AGMO: variants seen among roughly 807,000 people sequenced by gnomAD.
AGMO encodes alkylglycerol monooxygenase.
Under a neutral mutation model 60.2 loss-of-function variants are expected in AGMO, and 75 were observed. The ratio of observed to expected loss-of-function variants is 1.25; its 90% CI spans 1.03 to 1.51. The LOEUF is 1.51. Among genes scored for constraint, AGMO ranks in the 40% most tolerant of loss-of-function variants. The pLI is 0.00. For missense variants in AGMO, 763 were observed against 525.5 expected (o/e 1.45, Z -4.42); for synonymous variants, 261 against 177.1 (o/e 1.47, Z -3.76).
intron 3 of AGMO, among the ~76,000 whole-genome samples, chr7:15,447,029 G>A (rs1456210088): frequency 2.0e-5 from 3 of 152,154 alleles, no homozygotes; most frequent in African/African-American, 7.2e-5. Context: ...GGACACTGAG[G>A]CACCAAACGA....
intron 12 of AGMO, among the ~76,000 whole-genome samples, chr7:15,328,144 C>T (rs1781402435): frequency 6.6e-6 from 1 of 151,824 alleles, no homozygotes; most frequent in Non-Finnish European, 1.5e-5. Flanking sequence ...GTCGCCCAAG[C>T]TGGAGTACAA....
chr7:15,243,282 T>A (rs1408137755), intron 12 of AGMO, among the ~76,000 whole-genome samples: 1 of 152,136 alleles, frequency 6.6e-6, no homozygotes, highest in Admixed American at 6.5e-5. Flanking sequence ...TCTTTGTTCT[T>A]CTAAGCAGCT....
intron 12 of AGMO, among the ~76,000 whole-genome samples, chr7:15,356,635 A>C (rs1782539539): frequency 6.6e-6 from 1 of 152,132 alleles, no homozygotes. Flanking sequence ...CAGATAATAC[A>C]GTGTTATTAA....
At chr7:15,376,323 T>C (rs1297893037) in intron 10 of AGMO, among the ~76,000 whole-genome samples, 6 of 152,036 alleles carry the variant, frequency 3.9e-5, no homozygotes, top group African/African-American at 1.5e-4. Flanking sequence ...CTAAGCTAGA[T>C]CTAATTTGTG....
At chr7:15,219,389 A>C (rs1359634589) in intron 12 of AGMO, among the ~76,000 whole-genome samples, 2 of 152,194 alleles carry the variant, frequency 1.3e-5, no homozygotes, top group Non-Finnish European at 2.9e-5. Flanking sequence ...ATTAACTAAT[A>C]TTTAAAGTGA....
intron 3 of AGMO, among the ~76,000 whole-genome samples, chr7:15,514,825 T>C (rs2196391): frequency 3.9e-4 from 60 of 152,318 alleles, no homozygotes; most frequent in African/African-American, 5.5e-4. Flanking sequence ...TCTCCAGAAA[T>C]GGGTTCATCA....
rs115772476 is a variant in AGMO at position 15,371,296 on chromosome 7, C to G, written c.1075-5074G>C. 5.3e-3 allele frequency among the ~76,000 whole-genome samples: 813 copies of G among 152,078 alleles called. 11 individuals carry two copies. The highest frequency in any genetic ancestry group is 0.018 in the African/African-American group (762 of 41,502). ...AGTGTAATGGCACCATCTAAGCTCA[C>G]GACAACCTCCCTTTCCAGCCTTAAG... On this transcript the variant is annotated intron_variant, in intron 10 of 12. Coordinates refer to ENST00000342526, the MANE Select transcript of AGMO (RefSeq NM_001004320.2).
chr7:15,131,731 C>A, the AGMO span, among the ~76,000 whole-genome samples: 1 of 150,230 alleles, frequency 6.7e-6, no homozygotes, highest in East Asian at 2.0e-4. Context: ...TGTTATCACA[C>A]TTAGGCTTAA....
rs1213611289 is a variant in AGMO at position 15,391,429 on chromosome 7, A to T, written c.677-524T>A. ...ACTACCCTTAACTTTTTCAAAACTCATATCATATGTATTTTTCCTGCCGCT... is the reference window on the plus strand; with the variant it reads ...ACTACCCTTAACTTTTTCAAAACTCTTATCATATGTATTTTTCCTGCCGCT... On this transcript the variant is annotated intron_variant, in intron 6 of 12. Coordinates refer to ENST00000342526, the MANE Select transcript of AGMO (RefSeq NM_001004320.2). 5.9e-5 allele frequency among the ~76,000 whole-genome samples: 9 copies of T among 152,256 alleles called. No individual in the cohort carries two copies. In the East Asian group the frequency reaches 1.4e-3, roughly 23 times the overall value.
At chr7:15,361,617 A>G (rs976826791) in intron 12 of AGMO, among the ~76,000 whole-genome samples, 1 of 151,528 alleles carries the variant, frequency 6.6e-6, no homozygotes, top group Non-Finnish European at 1.5e-5. Context: ...TCACCAAATT[A>G]AAAAAAAGAA....
chr7:15,334,097 A>G lies in AGMO; in HGVS notation c.1263+31417T>C, dbSNP rs542357275. Among the ~76,000 whole-genome samples, 3 of 152,208 alleles carry G rather than the reference A, an allele frequency of 2.0e-5. No individual in the cohort carries two copies. In the East Asian group the frequency reaches 5.8e-4, roughly 29 times the overall value. On this transcript the variant is annotated intron_variant, in intron 12 of 12. Coordinates refer to ENST00000342526, the MANE Select transcript of AGMO (RefSeq NM_001004320.2). ...AAAAAGTAGTTTTACAAGTGCCTAT[A>G]TTTTCTTATTACCTTTGATATGTAA... is the stretch of plus-strand genomic sequence containing the variant.
chr7:15,244,587 ACTT>A (rs1386302601), intron 12 of AGMO, among the ~76,000 whole-genome samples: 1 of 152,128 alleles, frequency 6.6e-6, no homozygotes, highest in African/African-American at 2.4e-5. Context: ...TGAGACCAGT[ACTT>A]CTTTTCTGAC....
Position 15,529,655 on chromosome 7 carries a change from T to TATATATA in AGMO, c.409+15116_409+15117insTATATAT, listed in dbSNP as rs1583651107. Among the ~76,000 whole-genome samples, 24 of 7,204 alleles carry TATATATA rather than the reference T, an allele frequency of 3.3e-3. 4 individuals carry two copies. The East Asian group carries it at 0.46, about 138-fold the overall frequency. 4.7% of individuals were successfully genotyped at this position (7,204 alleles called of 152,430 possible). A position where few individuals can be genotyped will look rare whatever the true frequency, so the allele number is the denominator to read the frequency against. ...TAGAATATATATATATACTATATATTCTATATATATTCTATATATATTCTA... is the reference window on the plus strand; with the variant it reads ...TAGAATATATATATATACTATATATTATATATACTATATATATTCTATATATATTCTA... On this transcript the variant is annotated intron_variant, in intron 3 of 12. Coordinates refer to ENST00000342526, the MANE Select transcript of AGMO (RefSeq NM_001004320.2).
At chr7:15,202,807 T>G (rs1208475905) in intron 12 of AGMO, among the ~76,000 whole-genome samples, 2 of 152,150 alleles carry the variant, frequency 1.3e-5, no homozygotes, top group African/African-American at 4.8e-5. Context: ...CTCATGGCAC[T>G]TCTTCTGATG....
chr7:15,325,169 G>T (rs528164495), intron 12 of AGMO, among the ~76,000 whole-genome samples: 1 of 152,050 alleles, frequency 6.6e-6, no homozygotes, highest in East Asian at 1.9e-4. Context: ...ATATATACTG[G>T]ATAGATAGAT....
At chr7:15,295,232 A>G (rs933839653) in intron 12 of AGMO, among the ~76,000 whole-genome samples, 1 of 152,036 alleles carries the variant, frequency 6.6e-6, no homozygotes, top group Admixed American at 6.6e-5. Flanking sequence ...TATTAAGAAA[A>G]TATATACTCC....
At chr7:15,366,571 T>C (rs1183758135) in intron 10 of AGMO, among the ~76,000 whole-genome samples, 1 of 152,116 alleles carries the variant, frequency 6.6e-6, no homozygotes, top group Admixed American at 6.6e-5. Flanking sequence ...TACTGTATTC[T>C]AATTAGCCAT....
intron 12 of AGMO, among the ~76,000 whole-genome samples, chr7:15,338,449 G>C (rs1307393296): frequency 8.6e-6 from 1 of 116,942 alleles, no homozygotes; most frequent in Non-Finnish European, 1.7e-5. Flanking sequence ...TTGAGATTTG[G>C]CATTGTGATG....
intron 3 of AGMO, among the ~76,000 whole-genome samples, chr7:15,447,709 C>T (rs1781737057): frequency 6.6e-6 from 1 of 152,068 alleles, no homozygotes; most frequent in South Asian, 2.1e-4. Flanking sequence ...CGCCACCACA[C>T]CTGGCTAAAT....
Sources: gnomAD v4.1 joint callset for allele counts (sites outside exome capture counted in the v4.1 genomes callset) on GRCh38, gnomAD v4.1.1 for gene constraint, MANE v1.5 for transcripts, NCBI Gene and HGNC (gene_info 2026-07-23, HGNC 2026-07-21) for gene names.